The following ACO2 variants were observed in gnomAD, a reference collection of about 807,000 sequenced individuals.
ACO2 encodes the protein aconitase 2, also known as aconitate hydratase, mitochondrial.
Under a neutral mutation model 84.5 loss-of-function variants are expected in ACO2, and 31 were observed. The ratio of observed to expected loss-of-function variants is 0.37; its 90% CI spans 0.28 to 0.50. The LOEUF is 0.50. Ranked by LOEUF, ACO2 falls within the 20% of genes least tolerant of loss-of-function variation. The pLI, the probability that ACO2 is intolerant of heterozygous loss-of-function variation, is 0.97. For missense variants in ACO2, 685 were observed against 1,029.3 expected (o/e 0.67, Z 4.58); for synonymous variants, 414 against 412.7 (o/e 1.00, Z -0.04).
rs2066618234 is a variant in ACO2 at position 41,527,202 on chromosome 22, G to A, written c.1954-86G>A. 3 of 1,600,780 alleles carry A rather than the reference G, an allele frequency of 1.9e-6. No individual in the cohort carries two copies. The Admixed American group carries it at 5.1e-5, about 27-fold the overall frequency. ...GGAGCCTCAGGATGCCCAGGCGCCA[G>A]GTGGGTGAGGCCAGGCAGGTAGGGC... On this transcript the variant is annotated intron_variant, in intron 15 of 17. Transcript: ENST00000216254.
chr22:41,528,838 C>A lies in ACO2; in HGVS notation c.*225C>A. 1.7e-6 allele frequency: 1 copy of A among 584,686 alleles called. No homozygotes were observed. Among genetic ancestry groups the A allele is most frequent in the Non-Finnish European group, 2.9e-6 (1 of 339,168 alleles). 36.2% of individuals were successfully genotyped at this position (584,686 alleles called of 1,614,324 possible). On this transcript the variant is annotated 3_prime_UTR_variant, in exon 18 of 18. Transcript: ENST00000216254. The stretch of plus-strand genomic sequence containing the variant: ...TTTTGAGTTTGGTTCAGATCTTAAG[C>A]AGCTCCATGCAACTGTATTTATTTT...
At chr22:41,523,562 G>A (rs1351240579) in intron 11 of ACO2, among the ~76,000 whole-genome samples, 1 of 152,208 alleles carries the variant, frequency 6.6e-6, no homozygotes, top group Non-Finnish European at 1.5e-5. Context: ...CCGTTTGGGA[G>A]GAGGCAGTGC....
intron 2 of ACO2, among the ~76,000 whole-genome samples, chr22:41,506,013 A>G (rs1047024766): frequency 1.3e-5 from 2 of 152,106 alleles, no homozygotes; most frequent in Non-Finnish European, 2.9e-5. Flanking sequence ...GGCTGAGCTG[A>G]GGAGAGCAGT....
chr22:41,489,779 A>G (rs1445814603), intron 1 of ACO2, among the ~76,000 whole-genome samples: 1 of 151,600 alleles, frequency 6.6e-6, no homozygotes, highest in Non-Finnish European at 1.5e-5. Flanking sequence ...AATGGTGGTA[A>G]TCAGATCCTG....
chr22:41,524,012 A>T, intron 12 of ACO2, 71 bp downstream of exon 12: 2 of 1,354,024 alleles, frequency 1.5e-6, no homozygotes, highest in East Asian at 4.8e-5. Flanking sequence ...AGGAGGAGGC[A>T]GAAGGAGATG....
chr22:41,505,848 A>T (rs377165131), intron 2 of ACO2, among the ~76,000 whole-genome samples: 7 of 152,294 alleles, frequency 4.6e-5, no homozygotes, highest in African/African-American at 1.7e-4. Flanking sequence ...TCACAGGTGT[A>T]TACAGTGTCA....
At position 41,528,724 on chromosome 22, in the gene ACO2, C is replaced by T. The variant is rs1339775774; in HGVS notation, c.*111C>T. 3.5e-6 allele frequency: 5 copies of T among 1,434,566 alleles called. No homozygotes were observed. In the Admixed American group the frequency reaches 1.1e-4, roughly 32 times the overall value. The allele number at this position is 1,434,566 out of a possible 1,614,324, so 88.9% of individuals were successfully genotyped here. A position where few individuals can be genotyped will look rare whatever the true frequency, so the allele number is the denominator to read the frequency against. ...CCTATTCCAAGATGGTGTGACCAGA[C>T]ATGCTTCCTGCTCCCCGCTTAGCCC... is the stretch of plus-strand genomic sequence containing the variant. On this transcript the variant is annotated 3_prime_UTR_variant, in exon 18 of 18. Transcript: ENST00000216254.
intron 4 of ACO2, among the ~76,000 whole-genome samples, chr22:41,513,932 AGTGTCTACACC>A (rs901828371): frequency 1.3e-5 from 2 of 151,404 alleles, no homozygotes; most frequent in African/African-American, 4.9e-5. Context: ...GTGGACCACA[AGTGTCTACACC>A]GTGTGGACCA....
intron 1 of ACO2, among the ~76,000 whole-genome samples, chr22:41,475,153 A>AC (rs2037997313): frequency 6.6e-6 from 1 of 151,274 alleles, no homozygotes; most frequent in African/African-American, 2.4e-5. Flanking sequence ...TATAAAAAAA[A>AC]AAAAATTGTT....
At chr22:41,512,058 G>T (rs1305046491) in intron 4 of ACO2, 90 bp downstream of exon 4, 11 of 943,516 alleles carry the variant, frequency 1.2e-5, no homozygotes, top group African/African-American at 1.7e-5. Context: ...AGGCCCAGGG[G>T]GGCTGAGGGG....
chr22:41,509,815 CTTTT>C (rs137832), intron 3 of ACO2, among the ~76,000 whole-genome samples: 1 of 107,902 alleles, frequency 9.3e-6, no homozygotes, highest in Admixed American at 1.1e-4. Context: ...AGAATATGGT[CTTTT>C]TTTTTTTTTT....
At chr22:41,483,595 TGTA>T (rs1046266699) in intron 1 of ACO2, among the ~76,000 whole-genome samples, 18 of 151,504 alleles carry the variant, frequency 1.2e-4, no homozygotes, top group African/African-American at 4.4e-4. Flanking sequence ...AGGCAGAGGT[TGTA>T]GTGAGCCAAG....
chr22:41,480,195 T>C (rs1312714986), intron 1 of ACO2, among the ~76,000 whole-genome samples: 5 of 152,200 alleles, frequency 3.3e-5, no homozygotes, highest in Admixed American at 3.3e-4. Flanking sequence ...TGGACTGATG[T>C]GCATTCCTGT....
At chr22:41,481,472 C>T (rs2038086073) in intron 1 of ACO2, among the ~76,000 whole-genome samples, 1 of 152,238 alleles carries the variant, frequency 6.6e-6, no homozygotes, top group Non-Finnish European at 1.5e-5. Context: ...ATGCACCATG[C>T]TGGACAAGGT....
chr22:41,498,566 A>C (rs2066331684), intron 1 of ACO2, among the ~76,000 whole-genome samples: 1 of 152,104 alleles, frequency 6.6e-6, no homozygotes, highest in Non-Finnish European at 1.5e-5. Flanking sequence ...CGCTTGCAAG[A>C]TGGCTCACTC....
chr22:41,504,787 G>A (rs1263711613), intron 2 of ACO2, among the ~76,000 whole-genome samples: 3 of 139,510 alleles, frequency 2.2e-5, no homozygotes, highest in Non-Finnish European at 4.5e-5. Context: ...GCAGTGGTTC[G>A]ATCATGGCTT....
At chr22:41,509,533 T>G (rs1466347336) in intron 3 of ACO2, among the ~76,000 whole-genome samples, 1 of 152,084 alleles carries the variant, frequency 6.6e-6, no homozygotes, top group Non-Finnish European at 1.5e-5. Context: ...AGAGAGAGCT[T>G]CTTTGAGGAT....
intron 9 of ACO2, among the ~76,000 whole-genome samples, 199 bp from the exon 10 acceptor site, chr22:41,522,631 A>G (rs905894910): frequency 1.3e-5 from 2 of 149,232 alleles, no homozygotes; most frequent in Non-Finnish European, 3.0e-5. Flanking sequence ...TCTTTCTTCA[A>G]ATGACGCCAC....
At chr22:41,526,126 T>G in intron 14 of ACO2, 136 bp from the exon 15 acceptor site, 1 of 708,538 alleles carries the variant, frequency 1.4e-6, no homozygotes, top group Non-Finnish European at 2.4e-6. Context: ...AGAACACGTG[T>G]CTGAAGACTT....
Sources: allele counts gnomAD v4.1 joint callset (sites outside exome capture counted in the v4.1 genomes callset), GRCh38; gene constraint gnomAD v4.1.1; transcripts MANE v1.5; gene names NCBI Gene and HGNC (gene_info 2026-07-23, HGNC 2026-07-21).